Variants in LPP observed in about 807,000 individuals in gnomAD.
LPP encodes the protein lipoma-preferred partner.
A neutral mutation model predicts 60.4 loss-of-function variants in LPP; 38 were observed. The observed-to-expected ratio is 0.63, with a 90% CI of 0.49 to 0.83. The LOEUF is 0.83. Ranked by LOEUF, LPP falls within the 40% of genes least tolerant of loss-of-function variation. The pLI is 0.00. For missense variants in LPP, 902 were observed against 783.6 expected, an observed-to-expected ratio of 1.15 and a Z score of -1.80; for synonymous variants, 328 against 290.8, an observed-to-expected ratio of 1.13 and a Z score of -1.30.
At chr3:188,219,617 A>C (rs565164966) in intron 1 of LPP, among the ~76,000 whole-genome samples, 7 of 152,260 alleles carry the variant, frequency 4.6e-5, no homozygotes, top group African/African-American at 1.4e-4. Flanking sequence ...TTGCTGTGAA[A>C]CATTTATTAC....
chr3:188,805,012 A>T lies in LPP; in HGVS notation c.1410+44730A>T, dbSNP rs1748650244. Among the ~76,000 whole-genome samples, 3 of 151,966 alleles carry T rather than the reference A, an allele frequency of 2.0e-5. No individual in the cohort carries two copies. The South Asian group carries it at 6.2e-4, about 31-fold the overall frequency. Reference sequence around the variant, plus strand: ...GTAGGTAACACTGGTTAATTTTTAAATGTTGTATCAGCCTTGCATTCCCAA... The same window carrying T: ...GTAGGTAACACTGGTTAATTTTTAATTGTTGTATCAGCCTTGCATTCCCAA... On this transcript the variant is annotated intron_variant, in intron 9 of 11. Coordinates refer to ENST00000617246, the MANE Select transcript of LPP (RefSeq NM_001375462.1).
At chr3:188,643,799 G>T (rs1238016047) in intron 7 of LPP, among the ~76,000 whole-genome samples, 1 of 152,116 alleles carries the variant, frequency 6.6e-6, no homozygotes, top group African/African-American at 2.4e-5. Context: ...AAAGCAATGA[G>T]ATTGTTTTTC....
intron 5 of LPP, among the ~76,000 whole-genome samples, chr3:188,515,123 T>C (rs1276820060): frequency 2.0e-5 from 3 of 152,332 alleles, no homozygotes; most frequent in African/African-American, 7.2e-5. Flanking sequence ...CTCCAAATCA[T>C]GTCAGAATGT....
intron 4 of LPP, among the ~76,000 whole-genome samples, chr3:188,449,715 C>T (rs911482194): frequency 1.3e-5 from 2 of 152,234 alleles, no homozygotes; most frequent in East Asian, 1.9e-4. Flanking sequence ...TCTGTGCTAT[C>T]GATCTGATCT....
chr3:188,340,290 T>G (rs1268067652), intron 2 of LPP, among the ~76,000 whole-genome samples: 2 of 152,148 alleles, frequency 1.3e-5, no homozygotes, highest in Non-Finnish European at 2.9e-5. Flanking sequence ...TAATGGTCAT[T>G]GTGATTTTTC....
intron 4 of LPP, among the ~76,000 whole-genome samples, chr3:188,481,161 T>A (rs762248627): frequency 1.4e-4 from 21 of 152,166 alleles, no homozygotes; most frequent in Admixed American, 2.6e-4. Context: ...TTATTAGCAG[T>A]TTTTCATTGA....
chr3:188,781,972 T>C (rs889765970), intron 9 of LPP, among the ~76,000 whole-genome samples: 4 of 151,766 alleles, frequency 2.6e-5, no homozygotes, highest in Non-Finnish European at 1.5e-5. Context: ...GTGGGGATTA[T>C]GGGAACTACA....
intron 6 of LPP, among the ~76,000 whole-genome samples, chr3:188,560,166 T>G (rs1830343549): frequency 6.6e-6 from 1 of 152,090 alleles, no homozygotes. Flanking sequence ...ATAGAGAGCA[T>G]CTAACACAGA....
intron 1 of LPP, among the ~76,000 whole-genome samples, chr3:188,214,383 G>T (rs944931582): frequency 8.5e-5 from 13 of 152,146 alleles, no homozygotes; most frequent in African/African-American, 3.1e-4. Flanking sequence ...TGCCTGCCTT[G>T]GCCTCCCAAA....
chr3:188,252,305 T>TC (rs1730120338), intron 2 of LPP, among the ~76,000 whole-genome samples: 2 of 147,028 alleles, frequency 1.4e-5, no homozygotes, highest in Admixed American at 1.4e-4. Context: ...TTTTTTGCAC[T>TC]CCCTCTCTTC....
At chr3:188,422,084 T>A (rs1787961727) in intron 4 of LPP, among the ~76,000 whole-genome samples, 1 of 152,160 alleles carries the variant, frequency 6.6e-6, no homozygotes, top group South Asian at 2.1e-4. Context: ...TAGTACCAGC[T>A]TTTGCTCTGG....
chr3:188,872,000 A>G (rs1000467315), intron 10 of LPP, among the ~76,000 whole-genome samples: 2 of 152,242 alleles, frequency 1.3e-5, no homozygotes, highest in Admixed American at 1.3e-4. Context: ...AGAATTTGAT[A>G]GCTCTTTAAC....
intron 6 of LPP, among the ~76,000 whole-genome samples, chr3:188,582,750 T>C (rs979018568): frequency 6.6e-6 from 1 of 152,238 alleles, no homozygotes; most frequent in African/African-American, 2.4e-5. Context: ...CTCAGGAATT[T>C]TTTCCACTCC....
In LPP at chr3:188,857,119, C is replaced by T. The variant is rs553708999; in HGVS notation, c.1411-9081C>T. On this transcript the variant is annotated intron_variant, in intron 9 of 11. Coordinates refer to ENST00000617246, the MANE Select transcript of LPP (RefSeq NM_001375462.1). Reference sequence around the variant, plus strand: ...GACTTTTTCACAAAATAGTATATCACATTGGGCAAATATACCACAATAGGC... The same window carrying T: ...GACTTTTTCACAAAATAGTATATCATATTGGGCAAATATACCACAATAGGC... 2.6e-5 allele frequency among the ~76,000 whole-genome samples: 4 copies of T among 152,300 alleles called. No individual in the cohort carries two copies. In the South Asian group the frequency reaches 6.2e-4, roughly 24 times the overall value.
At chr3:188,859,417 A>G (rs13067107) in intron 9 of LPP, among the ~76,000 whole-genome samples, 89,621 of 151,982 alleles carry the variant, frequency 0.59, 26,798 homozygotes, top group East Asian at 0.84. Context: ...TCTTCTCTGC[A>G]TTCCCATCAT....
intron 2 of LPP, among the ~76,000 whole-genome samples, chr3:188,251,053 TTC>T (rs1207933746): frequency 8.2e-6 from 1 of 122,008 alleles, no homozygotes; most frequent in Non-Finnish European, 1.7e-5. Context: ...TTCTCTCTCT[TTC>T]TCTCTCTCTG....
At chr3:188,809,271 A>G (rs1312299009) in intron 9 of LPP, among the ~76,000 whole-genome samples, 2 of 152,198 alleles carry the variant, frequency 1.3e-5, no homozygotes, top group African/African-American at 4.8e-5. Context: ...TGTCTTCCAC[A>G]ATGGCTGAAC....
At chr3:188,387,810 C>T (rs1010705450) in intron 3 of LPP, among the ~76,000 whole-genome samples, 3 of 152,086 alleles carry the variant, frequency 2.0e-5, no homozygotes, top group Non-Finnish European at 2.9e-5. Flanking sequence ...GGTAATTCAC[C>T]TGCCTTGGCC....
intron 9 of LPP, among the ~76,000 whole-genome samples, chr3:188,785,509 C>CATAT (rs201137577): frequency 1.4e-4 from 4 of 28,054 alleles, no homozygotes; most frequent in South Asian, 1.8e-3. Flanking sequence ...TATATTCCAT[C>CATAT]ATATATATAT....
Sources: gnomAD v4.1 joint callset for allele counts (sites outside exome capture counted in the v4.1 genomes callset) on GRCh38, gnomAD v4.1.1 for gene constraint, MANE v1.5 for transcripts, NCBI Gene and HGNC (gene_info 2026-07-23, HGNC 2026-07-21) for gene names.